LPAR4: variants seen among roughly 807,000 people sequenced by gnomAD.
The protein encoded by LPAR4 is G-protein coupled receptor 23.
A neutral mutation model predicts 9.2 loss-of-function variants in LPAR4; 14 were observed. The observed-to-expected ratio is 1.51, with a 90% confidence interval of 1.00 to 2.37. The LOEUF (loss-of-function observed/expected upper bound fraction) is 2.37. Ranked by LOEUF, LPAR4 falls within the 30% of genes most tolerant of loss-of-function variation. The pLI is 0.00. For missense variants in LPAR4, 251 were observed against 272.1 expected, an observed-to-expected ratio of 0.92 and a Z score of 0.55; for synonymous variants, 131 against 97.9, an observed-to-expected ratio of 1.34 and a Z score of -1.99.
chrX:78,754,315 A>C (rs1248687572), intron 4 of LPAR4, among the ~76,000 whole-genome samples: 2 of 111,870 alleles, frequency 1.8e-5, no homozygotes, highest in Non-Finnish European at 3.8e-5. Context: ...AGCTAGAATC[A>C]TGCTGTGTAA....
At chrX:78,752,602 C>T (rs957000338) in intron 4 of LPAR4, among the ~76,000 whole-genome samples, 4 of 111,789 alleles carry the variant, frequency 3.6e-5, no homozygotes, top group African/African-American at 1.3e-4. Flanking sequence ...AGGAAATGCT[C>T]TGGGGATCAG....
chrX:78,749,357 GA>G (rs1924959141), intron 1 of LPAR4: 1 of 111,749 alleles, frequency 8.9e-6, no homozygotes, highest in Admixed American at 9.5e-5. Context: ...TATTAGTACT[GA>G]AAATTGGGAG....
Position 78,755,622 on chromosome X carries a change from C to T in LPAR4, c.753C>T (p.Ile251=). 8.3e-7 allele frequency: 1 copy of T among 1,209,929 alleles called. No individual in the cohort carries two copies. Among genetic ancestry groups the T allele is most frequent in the Non-Finnish European group, 1.1e-6 (1 of 894,181 alleles). Residue 251 remains isoleucine (I), a synonymous_variant, in exon 5 of 5, where the codon ATC becomes ATT. Coordinates refer to ENST00000614823, the MANE Select transcript of LPAR4 (RefSeq NM_001278000.3). ...ATAAGAAAAAAGTACTGAAAATGAT[C>T]ACAGTACATATGGCAGTCTTTGTGG... The part of the protein sequence containing the change: ...GTNKKKVLKM[I]TVHMAVFVVC...
intron 4 of LPAR4, among the ~76,000 whole-genome samples, chrX:78,752,581 A>G (rs999035920): frequency 8.9e-6 from 1 of 112,133 alleles, no homozygotes; most frequent in Non-Finnish European, 1.9e-5. Context: ...AACTTTGACC[A>G]GAGTAGAACA....
rs1925370127 is a variant in LPAR4, at chrX:78,757,811, A to C, written c.*1829A>C. Among the ~76,000 whole-genome samples the C allele has an allele frequency of 8.9e-6, 1 of 112,232 alleles. No homozygotes were observed. Among genetic ancestry groups the C allele is most frequent in the Non-Finnish European group, 1.9e-5 (1 of 53,119 alleles). Reference sequence around the variant, plus strand: ...ATTTGGATAACATGGCAATTTAAAAATGCTAAGAATTTTAAAACAAAACTT... The same window carrying C: ...ATTTGGATAACATGGCAATTTAAAACTGCTAAGAATTTTAAAACAAAACTT... On this transcript the variant is annotated 3_prime_UTR_variant, in exon 5 of 5. Transcript: ENST00000614823.
chrX:78,747,895 T>TAAAAAAAA lies in LPAR4; in HGVS notation c.-410_-403dup, dbSNP rs569900559. 10 of 40,859 alleles carry TAAAAAAAA rather than the reference T, an allele frequency of 2.4e-4. No homozygotes were observed. Among genetic ancestry groups the TAAAAAAAA allele is most frequent in the African/African-American group, 1.1e-3 (10 of 9,329 alleles). 3.4% of individuals were successfully genotyped at this position (40,859 alleles called of 1,213,427 possible). On this transcript the variant is annotated 5_prime_UTR_variant, in exon 1 of 5. In the 5' UTR this introduces an upstream ATG that the reference lacks. Coordinates refer to ENST00000614823, the MANE Select transcript of LPAR4 (RefSeq NM_001278000.3). ...TTTAGGCTGGGCTAACCTTTCCCTG[T>TAAAAAAAA]AAAAAAAAAAAAAAAAAAAAAAAAA...
intron 4 of LPAR4, 21 bp from the exon 5 acceptor site, chrX:78,754,770 G>A (rs1384230116): frequency 3.0e-6 from 2 of 670,176 alleles, no homozygotes. Flanking sequence ...TTGATTATTT[G>A]TTCCATCTTG....
rs1279273307 is a variant in LPAR4, at chrX:78,755,285, C to T, written c.416C>T (p.Ala139Val). 8.3e-7 allele frequency: 1 copy of T among 1,206,988 alleles called. No individual in the cohort carries two copies. The highest frequency in any genetic ancestry group is 1.1e-6 in the Non-Finnish European group (1 of 893,475). ...LTCISVDRFL[A>V]IVYPFRSRTI... ...TGTATTAGTGTGGATCGTTTCCTGG[C>T]CATTGTCTATCCTTTTCGATCTCGT... The change falls in exon 5 of 5, where the codon GCC becomes GTC. Residue 139 changes from alanine (A) to valine (V), a missense_variant. Ala to Val is a moderately conservative substitution (Grantham distance 64). Coordinates refer to ENST00000614823, the MANE Select transcript of LPAR4 (RefSeq NM_001278000.3).
intron 4 of LPAR4, among the ~76,000 whole-genome samples, chrX:78,753,626 A>G (rs746136445): frequency 8.9e-6 from 1 of 112,250 alleles, no homozygotes; most frequent in South Asian, 3.7e-4. Context: ...AAACTTACAT[A>G]ATGTTTCTCT....
chrX:78,750,848 ATTAC>A (rs1479253906), intron 3 of LPAR4, 56 bp downstream of exon 3: 1 of 111,150 alleles, frequency 9.0e-6, no homozygotes, highest in African/African-American at 3.3e-5. Flanking sequence ...AATGTAATGC[ATTAC>A]CTTATGGAAG....
chrX:78,754,789 A>G lies in LPAR4; in HGVS notation c.-79-2A>G. The stretch of plus-strand genomic sequence containing the variant: ...TTATTTGTTCCATCTTGTCTCTCAT[A>G]GGAGGAAAATATTTCCTACCGGTCC... On this transcript the variant is annotated splice_acceptor_variant, in intron 4 of 4. Transcript: ENST00000614823. LOFTEE classifies it low-confidence loss of function (5UTR_SPLICE). The G allele has an allele frequency of 1.2e-6, 1 of 850,218 alleles. No homozygotes were observed. Among genetic ancestry groups the G allele is most frequent in the Non-Finnish European group, 1.6e-6 (1 of 610,412 alleles). The allele number at this position is 850,218 out of a possible 1,213,427, so 70.1% of individuals were successfully genotyped here. A position where few individuals can be genotyped will look rare whatever the true frequency, so the allele number is the denominator to read the frequency against.
chrX:78,757,208 G>T lies in LPAR4; in HGVS notation c.*1226G>T, dbSNP rs1347260115. The T allele has an allele frequency of 1.7e-5, 2 of 118,074 alleles. No individual in the cohort carries two copies. Among genetic ancestry groups the T allele is most frequent in the Admixed American group, 9.6e-5 (1 of 10,466 alleles). 9.7% of individuals were successfully genotyped at this position (118,074 alleles called of 1,213,427 possible). On this transcript the variant is annotated 3_prime_UTR_variant, in exon 5 of 5. Transcript: ENST00000614823. ...TTTCATTACTATTTGTTGAGGTTCT[G>T]TAAATGTAAAAATACTATGTCATTT...
intron 1 of LPAR4, chrX:78,748,960 C>T (rs1924946998): frequency 8.9e-6 from 1 of 111,752 alleles, no homozygotes; most frequent in African/African-American, 3.3e-5. Flanking sequence ...TGCCTTGTCA[C>T]AGATGAAAAG....
chrX:78,750,376 G>C (rs1268240739), intron 2 of LPAR4, among the ~76,000 whole-genome samples, 153 bp downstream of exon 2: 3 of 111,791 alleles, frequency 2.7e-5, no homozygotes, highest in African/African-American at 9.7e-5. Flanking sequence ...TGTAACAATA[G>C]TGTACGTTTG....
At position 78,758,595 on chromosome X, in the gene LPAR4, G is replaced by A. The variant is rs1270199281; in HGVS notation, c.*2613G>A. Among the ~76,000 whole-genome samples the A allele has an allele frequency of 1.8e-5, 2 of 111,375 alleles. No homozygotes were observed. The highest frequency in any genetic ancestry group is 3.8e-5 in the Non-Finnish European group (2 of 52,903). ...ACATTAACAATGTAACCAAGAAAATGTAAAGTATAACTAAATATAAAAGTG... is the reference window on the plus strand; with the variant it reads ...ACATTAACAATGTAACCAAGAAAATATAAAGTATAACTAAATATAAAAGTG... On this transcript the variant is annotated 3_prime_UTR_variant, in exon 5 of 5. Coordinates refer to ENST00000614823, the MANE Select transcript of LPAR4 (RefSeq NM_001278000.3).
chrX:78,755,945 A>G lies in LPAR4; in HGVS notation c.1076A>G (p.Asn359Ser), dbSNP rs1436636963. Residue 359 changes from asparagine to serine, a missense_variant, in exon 5 of 5, where the codon AAT becomes AGT. Physicochemically the swap from Asn to Ser is conservative, Grantham distance 46. Coordinates refer to ENST00000614823, the MANE Select transcript of LPAR4 (RefSeq NM_001278000.3). ...IQEEVSDQTT[N>S]NGGELMLEST... Reference sequence around the variant, plus strand: ...GAGGAAGTGAGTGATCAAACAACAAATAATGGTGGTGAATTAATGCTAGAA... The same window carrying G: ...GAGGAAGTGAGTGATCAAACAACAAGTAATGGTGGTGAATTAATGCTAGAA... 2 of 1,207,995 alleles carry G rather than the reference A, an allele frequency of 1.7e-6. No individual in the cohort carries two copies. Among genetic ancestry groups the G allele is most frequent in the Non-Finnish European group, 2.2e-6 (2 of 892,765 alleles).
In LPAR4 at chrX:78,755,770, A is replaced by G. The variant is rs773920352; in HGVS notation, c.901A>G (p.Thr301Ala). 1 of 1,209,305 alleles carries G rather than the reference A, an allele frequency of 8.3e-7. No individual in the cohort carries two copies. Among genetic ancestry groups the G allele is most frequent in the South Asian group, 1.8e-5 (1 of 56,923 alleles). Residue 301 changes from threonine (T) to alanine (A), a missense_variant, in exon 5 of 5, where the codon ACT (threonine) becomes GCT (alanine). Transcript: ENST00000614823. ...IMYPITLCLA[T>A]LNCCFDPFIY... ...GTACCCAATCACCTTGTGCCTTGCA[A>G]CTCTGAACTGTTGTTTTGACCCTTT...
At chrX:78,748,933 T>C (rs1271378176) in intron 1 of LPAR4, 2 of 111,832 alleles carry the variant, frequency 1.8e-5, no homozygotes, top group African/African-American at 3.2e-5. Flanking sequence ...CCCATCAACA[T>C]AGATTATAAA....
chrX:78,755,985 A>G lies in LPAR4; in HGVS notation c.*3A>G, dbSNP rs1175503523. 8.4e-7 allele frequency: 1 copy of G among 1,191,796 alleles called. No homozygotes were observed. The highest frequency in any genetic ancestry group is 1.9e-5 in the South Asian group (1 of 53,925). On this transcript the variant is annotated 3_prime_UTR_variant, in exon 5 of 5. Transcript: ENST00000614823. ...TAATGCTAGAATCCACCTTTTAGGT[A>G]TGAGAAATGTGTTCAGGTCCAGATA...
Sources: allele counts gnomAD v4.1 joint callset (sites outside exome capture counted in the v4.1 genomes callset), GRCh38; gene constraint gnomAD v4.1.1; transcripts MANE v1.5; gene names NCBI Gene and HGNC (gene_info 2026-07-23, HGNC 2026-07-21).